JARID2: variants seen among roughly 807,000 people sequenced by gnomAD.
The protein encoded by JARID2 is protein Jumonji.
A neutral mutation model predicts 125.6 loss-of-function variants in JARID2; 21 were observed. The observed-to-expected ratio is 0.17, with a 90% CI of 0.12 to 0.24. JARID2 has a LOEUF of 0.24. Ranked by LOEUF, JARID2 falls within the 10% of genes least tolerant of loss-of-function variation. The pLI, the probability that JARID2 is intolerant of heterozygous loss-of-function variation, is 1.00. For missense variants in JARID2, 1,303 were observed against 1,639.6 expected, an observed-to-expected ratio of 0.79 and a Z score of 3.55; for synonymous variants, 736 against 661.6, an observed-to-expected ratio of 1.11 and a Z score of -1.73.
Position 15,496,894 on chromosome 6 carries a change from A to C in JARID2, c.1669A>C (p.Ile557Leu). Residue 557 changes from isoleucine (I) to leucine (L), a missense_variant, in exon 7 of 18, where the codon ATC becomes CTC. Coordinates refer to ENST00000341776, the MANE Select transcript of JARID2 (RefSeq NM_004973.4). ...GGCCGGGTGGGCGGCCATGGACGAG[A>C]TCCCCGTCCTCAGGCCCTCCGCCAA... is the stretch of plus-strand genomic sequence containing the variant. Reference protein sequence around the residue: ...GKAGWAAMDEIPVLRPSAKEF... With the variant: ...GKAGWAAMDELPVLRPSAKEF... The C allele has an allele frequency of 6.2e-7, 1 of 1,601,648 alleles. No homozygotes were observed.
chr6:15,398,556 T>C (rs1366620118), intron 2 of JARID2, among the ~76,000 whole-genome samples: 4 of 152,216 alleles, frequency 2.6e-5, no homozygotes, highest in Admixed American at 6.5e-5. Flanking sequence ...AACTTATGGC[T>C]ATTTACAACG....
chr6:15,374,698 G>T (rs1283686987), intron 2 of JARID2, among the ~76,000 whole-genome samples: 1 of 152,214 alleles, frequency 6.6e-6, no homozygotes, highest in East Asian at 1.9e-4. Context: ...GGTTCCTGCA[G>T]TGGGACAGCT....
chr6:15,412,587 G>T (rs1765926472), intron 3 of JARID2, among the ~76,000 whole-genome samples: 1 of 152,192 alleles, frequency 6.6e-6, no homozygotes, highest in Non-Finnish European at 1.5e-5. Context: ...ATAGGCGTGA[G>T]TCACCACACC....
At chr6:15,333,573 C>A (rs908467672) in intron 1 of JARID2, among the ~76,000 whole-genome samples, 1 of 152,200 alleles carries the variant, frequency 6.6e-6, no homozygotes, top group African/African-American at 2.4e-5. Flanking sequence ...GTTAAATACA[C>A]ATAACACCAA....
At chr6:15,292,621 G>T (rs1285367877) in intron 1 of JARID2, among the ~76,000 whole-genome samples, 1 of 152,152 alleles carries the variant, frequency 6.6e-6, no homozygotes, top group East Asian at 1.9e-4. Context: ...TATTAAAAAT[G>T]GAACCAGAGC....
Position 15,510,359 on chromosome 6 carries a change from C to A in JARID2, c.2847-937C>A, listed in dbSNP as rs577128765. 3.9e-5 allele frequency among the ~76,000 whole-genome samples: 6 copies of A among 152,278 alleles called. No homozygotes were observed. In the East Asian group the frequency reaches 1.2e-3, roughly 29 times the overall value. On this transcript the variant is annotated intron_variant, in intron 12 of 17. Coordinates refer to ENST00000341776, the MANE Select transcript of JARID2 (RefSeq NM_004973.4). ...GGCCTCCCCTCACATCCCCCTCATT[C>A]ATGCTGTGAGCCTGACACCAGGGGC...
intron 1 of JARID2, among the ~76,000 whole-genome samples, chr6:15,270,863 C>T (rs1760269174): frequency 6.6e-6 from 1 of 151,956 alleles, no homozygotes; most frequent in Non-Finnish European, 1.5e-5. Flanking sequence ...ATGGTATGAA[C>T]CCAGGAGGCA....
At chr6:15,305,146 CA>C (rs755141479) in intron 1 of JARID2, among the ~76,000 whole-genome samples, 12 of 152,240 alleles carry the variant, frequency 7.9e-5, no homozygotes, top group African/African-American at 2.4e-4. Flanking sequence ...AGGAAGTTGT[CA>C]AAGGCCTTCC....
intron 2 of JARID2, among the ~76,000 whole-genome samples, chr6:15,393,498 G>C (rs776599688): frequency 1.7e-4 from 26 of 152,140 alleles, no homozygotes; most frequent in Non-Finnish European, 3.2e-4. Flanking sequence ...GTGATACCAT[G>C]TAAATTTTAA....
chr6:15,454,463 T>A, intron 4 of JARID2, among the ~76,000 whole-genome samples: 1 of 152,158 alleles, frequency 6.6e-6, no homozygotes, highest in Non-Finnish European at 1.5e-5. Context: ...CTCCATTAGC[T>A]TTTTTGTTTG....
At chr6:15,423,902 T>C (rs969545932) in intron 3 of JARID2, among the ~76,000 whole-genome samples, 5 of 152,140 alleles carry the variant, frequency 3.3e-5, no homozygotes, top group Non-Finnish European at 5.9e-5. Context: ...GCCCTGTCTT[T>C]GGGTGGAGCT....
intron 1 of JARID2, among the ~76,000 whole-genome samples, chr6:15,284,168 C>A (rs1760903044): frequency 6.6e-6 from 1 of 151,926 alleles, no homozygotes; most frequent in Non-Finnish European, 1.5e-5. Context: ...CTTTTTATTA[C>A]CTCCCATTGA....
chr6:15,507,504 C>A, intron 11 of JARID2, 88 bp downstream of exon 11: 1 of 1,123,230 alleles, frequency 8.9e-7, no homozygotes, highest in Non-Finnish European at 1.3e-6. Context: ...CCCTTCTAAG[C>A]ACTGCCGGGG....
At chr6:15,520,042 CTG>C (rs1771757361) in intron 17 of JARID2, 25 bp from the exon 18 acceptor site, 1 of 1,597,156 alleles carries the variant, frequency 6.3e-7, no homozygotes, top group South Asian at 1.1e-5. Flanking sequence ...GGTATGTTAA[CTG>C]TGTCTTCCTT....
intron 3 of JARID2, among the ~76,000 whole-genome samples, chr6:15,414,987 G>A (rs2127576234): frequency 6.6e-6 from 1 of 152,262 alleles, no homozygotes; most frequent in South Asian, 2.1e-4. Context: ...GTGTCCCTGG[G>A]TACTTGAGAT....
intron 1 of JARID2, among the ~76,000 whole-genome samples, chr6:15,354,537 TCA>T (rs891429562): frequency 5.9e-5 from 9 of 152,186 alleles, no homozygotes; most frequent in African/African-American, 9.7e-5. Flanking sequence ...TAAGTAACAC[TCA>T]GTGTCAGGCA....
chr6:15,281,744 A>C (rs915800760), intron 1 of JARID2, among the ~76,000 whole-genome samples: 1 of 152,212 alleles, frequency 6.6e-6, no homozygotes, highest in Non-Finnish European at 1.5e-5. Flanking sequence ...TTATTTAGCC[A>C]CTTCCTTCTG....
At chr6:15,257,066 A>G (rs986438523) in intron 1 of JARID2, among the ~76,000 whole-genome samples, 1 of 152,142 alleles carries the variant, frequency 6.6e-6, no homozygotes, top group Non-Finnish European at 1.5e-5. Flanking sequence ...GTGGTCGCAT[A>G]TTTTATCAGA....
chr6:15,422,647 G>A (rs1433809603), intron 3 of JARID2, among the ~76,000 whole-genome samples: 1 of 152,168 alleles, frequency 6.6e-6, no homozygotes, highest in African/African-American at 2.4e-5. Context: ...TACCCAAGAT[G>A]GTGGCTGTGT....
Sources: gnomAD v4.1 joint callset for allele counts (sites outside exome capture counted in the v4.1 genomes callset) on GRCh38, gnomAD v4.1.1 for gene constraint, MANE v1.5 for transcripts, NCBI Gene and HGNC (gene_info 2026-07-23, HGNC 2026-07-21) for gene names.